Variants in CD2 observed in about 807,000 individuals in gnomAD.
CD2 encodes the protein CD2 molecule.
Under a neutral mutation model 23.2 loss-of-function variants are expected in CD2, and 18 were observed. The observed-to-expected ratio is 0.77, with a 90% confidence interval of 0.54 to 1.15. The LOEUF is 1.15. Ranked by LOEUF, CD2 falls within the 50% of genes most tolerant of loss-of-function variation. CD2 has a pLI of 0.00. For missense variants in CD2, 424 were observed against 423.1 expected, an observed-to-expected ratio of 1.00 and a Z score of -0.02; for synonymous variants, 162 against 151.9, an observed-to-expected ratio of 1.07 and a Z score of -0.49.
chr1:116,765,557 C>T (rs909578871), intron 4 of CD2, among the ~76,000 whole-genome samples: 5 of 152,304 alleles, frequency 3.3e-5, no homozygotes, highest in African/African-American at 7.2e-5. Context: ...CGTCCCATCA[C>T]GTCACTACCC....
intron 4 of CD2, among the ~76,000 whole-genome samples, chr1:116,766,208 T>A (rs798036): frequency 0.17 from 26,112 of 152,162 alleles, 2,962 homozygotes; most frequent in African/African-American, 0.3. Context: ...CCTGGAGGAA[T>A]TCCTGGGAGC....
intron 1 of CD2, 36 bp from the exon 2 acceptor site, chr1:116,754,595 G>C: frequency 6.2e-7 from 1 of 1,609,640 alleles, no homozygotes. Context: ...AGCTTTCCCT[G>C]AAAGTGACTC....
chr1:116,762,122 A>C (rs1652074161), intron 3 of CD2, among the ~76,000 whole-genome samples: 1 of 152,200 alleles, frequency 6.6e-6, no homozygotes, highest in Admixed American at 6.5e-5. Flanking sequence ...GAGTCACTGC[A>C]GTGGCCTCGG....
chr1:116,762,289 T>A (rs1288521341), intron 3 of CD2, among the ~76,000 whole-genome samples: 1 of 152,204 alleles, frequency 6.6e-6, no homozygotes, highest in African/African-American at 2.4e-5. Flanking sequence ...GCAACCCTAC[T>A]TTTCATGTTT....
chr1:116,766,720 G>C (rs1228256996), intron 4 of CD2, among the ~76,000 whole-genome samples: 1 of 151,944 alleles, frequency 6.6e-6, no homozygotes, highest in African/African-American at 2.4e-5. Context: ...AAAATTAGGT[G>C]GGTGCATTGG....
intron 2 of CD2, among the ~76,000 whole-genome samples, chr1:116,757,147 C>T (rs560236712): frequency 6.6e-6 from 1 of 152,190 alleles, no homozygotes; most frequent in Admixed American, 6.5e-5. Context: ...CAGGCATGTA[C>T]CACCACGTCC....
chr1:116,755,772 G>A (rs1290364765), intron 2 of CD2, among the ~76,000 whole-genome samples: 1 of 152,062 alleles, frequency 6.6e-6, no homozygotes, highest in African/African-American at 2.4e-5. Context: ...GGATAATAAG[G>A]GTCAGGCATA....
rs769607172 is a variant in CD2, at chr1:116,768,567, A to G, written c.840A>G (p.Gln280=). The G allele has an allele frequency of 4.3e-6, 7 of 1,613,892 alleles. No homozygotes were observed. In the Admixed American group the frequency reaches 8.3e-5, roughly 19 times the overall value. ...CCCCTCAGAATCCAGCAACTTCCCA[A>G]CATCCTCCTCCACCACCTGGTCATC... ...ASTPQNPATS[Q]HPPPPPGHRS... is the part of the protein sequence containing the mutation. The change falls in exon 5 of 5, where the codon CAA becomes CAG. Residue 280 remains glutamine (Q), a synonymous_variant. Coordinates refer to ENST00000369478, the MANE Select transcript of CD2 (RefSeq NM_001767.5).
At chr1:116,760,106 T>C (rs1030875140) in intron 2 of CD2, among the ~76,000 whole-genome samples, 5 of 152,196 alleles carry the variant, frequency 3.3e-5, no homozygotes, top group Non-Finnish European at 7.3e-5. Context: ...AGCCTGTCTG[T>C]TAGGGTTAAG....
At chr1:116,754,605 C>A (rs1242828650) in intron 1 of CD2, 26 bp from the exon 2 acceptor site, 1 of 1,607,060 alleles carries the variant, frequency 6.2e-7, no homozygotes, top group Non-Finnish European at 8.5e-7. Flanking sequence ...GAAAGTGACT[C>A]TCAGTAACTC....
chr1:116,756,338 G>A (rs1056929298), intron 2 of CD2, among the ~76,000 whole-genome samples: 5 of 152,176 alleles, frequency 3.3e-5, no homozygotes, highest in African/African-American at 4.8e-5. Context: ...TCACATTTGG[G>A]TCGCATTTAG....
At chr1:116,768,351 C>T in intron 4 of CD2, 113 bp from the exon 5 acceptor site, 1 of 981,386 alleles carries the variant, frequency 1.0e-6, no homozygotes, top group Non-Finnish European at 1.5e-6. Context: ...CTTCTGCTTC[C>T]TCATTGCATC....
At chr1:116,755,112 A>G (rs6701046) in intron 2 of CD2, 161 bp downstream of exon 2, 120,571 of 616,744 alleles carry the variant, frequency 0.2, 13,231 homozygotes, top group Middle Eastern at 0.32. Context: ...CTGTGGTCCA[A>G]TGCGGGAATG....
chr1:116,764,524 A>T lies in CD2; in HGVS notation c.654A>T (p.Gly218=). 6.2e-7 allele frequency: 1 copy of T among 1,614,038 alleles called. No individual in the cohort carries two copies. The highest frequency in any genetic ancestry group is 8.5e-7 in the Non-Finnish European group (1 of 1,179,976). ...LDIYLIIGIC[G]GGSLLMVFVA... is the part of the protein sequence containing the mutation. ...TCTATCTCATCATTGGCATATGTGGAGGAGGCAGCCTCTTGATGGTCTTTG... is the reference window on the plus strand; with the variant it reads ...TCTATCTCATCATTGGCATATGTGGTGGAGGCAGCCTCTTGATGGTCTTTG... The change falls in exon 4 of 5, where the codon GGA becomes GGT. Residue 218 remains glycine (G), a synonymous_variant. Coordinates refer to ENST00000369478, the MANE Select transcript of CD2 (RefSeq NM_001767.5).
At position 116,762,278 on chromosome 1, in the gene CD2, G is replaced by A. The variant is rs557623123; in HGVS notation, c.613+1646G>A. On this transcript the variant is annotated intron_variant, in intron 3 of 4. Coordinates refer to ENST00000369478, the MANE Select transcript of CD2 (RefSeq NM_001767.5). ...TAACTGGGTGTTTTGCATTATATCT[G>A]GCAACCCTACTTTTCATGTTTATTT... Among the ~76,000 whole-genome samples, 3 of 152,160 alleles carry A rather than the reference G, an allele frequency of 2.0e-5. No homozygotes were observed. The East Asian group carries it at 5.8e-4, about 29-fold the overall frequency.
chr1:116,767,532 A>T (rs899319954), intron 4 of CD2, among the ~76,000 whole-genome samples: 5 of 151,436 alleles, frequency 3.3e-5, no homozygotes, highest in African/African-American at 1.2e-4. Context: ...CAGAGGCTGC[A>T]GTGAGCCAAG....
chr1:116,762,974 C>G (rs1329580791), intron 3 of CD2, among the ~76,000 whole-genome samples: 1 of 152,234 alleles, frequency 6.6e-6, no homozygotes, highest in Non-Finnish European at 1.5e-5. Flanking sequence ...TAGCCATGTG[C>G]TCCCCAAAGC....
At chr1:116,767,601 A>G (rs1297951334) in intron 4 of CD2, among the ~76,000 whole-genome samples, 1 of 152,002 alleles carries the variant, frequency 6.6e-6, no homozygotes, top group Admixed American at 6.6e-5. Context: ...CAAAAAAAAA[A>G]AAAAAAAGAG....
intron 3 of CD2, among the ~76,000 whole-genome samples, chr1:116,764,161 T>A (rs1652140667): frequency 6.6e-6 from 1 of 152,052 alleles, no homozygotes; most frequent in African/African-American, 2.4e-5. Flanking sequence ...ATTTAGAGTA[T>A]CTCTAAGATC....
Sources: allele counts gnomAD v4.1 joint callset (sites outside exome capture counted in the v4.1 genomes callset), GRCh38; gene constraint gnomAD v4.1.1; transcripts MANE v1.5; gene names NCBI Gene and HGNC (gene_info 2026-07-23, HGNC 2026-07-21).